RBFOX1: variants seen among roughly 807,000 people sequenced by gnomAD.
The protein encoded by RBFOX1 is RNA binding protein fox-1 homolog 1.
RBFOX1 carries 8 observed loss-of-function variants against 57.7 expected under a neutral mutation model. The observed-to-expected ratio is 0.14, with a 90% CI of 0.08 to 0.25. The LOEUF (loss-of-function observed/expected upper bound fraction) is 0.25, where lower values mean the gene tolerates loss of function less well. Ranked by LOEUF, RBFOX1 falls within the 10% of genes least tolerant of loss-of-function variation. RBFOX1 has a pLI of 1.00. For missense variants in RBFOX1, 611 were observed against 548.5 expected (o/e 1.11, Z -1.14); for synonymous variants, 326 against 222.4 (o/e 1.47, Z -4.15).
intron 2 of RBFOX1, among the ~76,000 whole-genome samples, chr16:5,529,685 C>T (rs1438379117): frequency 6.6e-6 from 1 of 151,912 alleles, no homozygotes; most frequent in Non-Finnish European, 1.5e-5. Flanking sequence ...TCCTGCCTCA[C>T]CATCCCGATT....
intron 3 of RBFOX1, among the ~76,000 whole-genome samples, chr16:6,693,806 C>T (rs1277989099): frequency 6.6e-6 from 1 of 151,998 alleles, no homozygotes; most frequent in Non-Finnish European, 1.5e-5. Context: ...CCACCACCAT[C>T]ATCATCATCA....
intron 1 of RBFOX1, among the ~76,000 whole-genome samples, chr16:6,174,849 A>G (rs1259557070): frequency 6.6e-6 from 1 of 152,116 alleles, no homozygotes; most frequent in Non-Finnish European, 1.5e-5. Flanking sequence ...CAATCTAAGG[A>G]TGCCTTTGAG....
At chr16:6,688,739 T>A (rs1266592762) in intron 3 of RBFOX1, among the ~76,000 whole-genome samples, 1 of 152,158 alleles carries the variant, frequency 6.6e-6, no homozygotes, top group Non-Finnish European at 1.5e-5. Flanking sequence ...GCTGCACACA[T>A]CAACCCATCA....
chr16:5,754,023 A>C (rs1244475308), intron 3 of RBFOX1, among the ~76,000 whole-genome samples: 1 of 152,164 alleles, frequency 6.6e-6, no homozygotes, highest in Non-Finnish European at 1.5e-5. Context: ...AGCCATTCTC[A>C]AATGTCAATG....
chr16:5,371,768 C>A (rs1048522080), intron 1 of RBFOX1, among the ~76,000 whole-genome samples: 7 of 151,920 alleles, frequency 4.6e-5, no homozygotes, highest in Admixed American at 1.3e-4. Context: ...CTGGGCTGCA[C>A]CTTGGCCCTG....
At chr16:6,859,169 ATATATG>A (rs1266781148) in intron 3 of RBFOX1, among the ~76,000 whole-genome samples, 2 of 72,370 alleles carry the variant, frequency 2.8e-5, no homozygotes, top group African/African-American at 1.4e-4. Context: ...ATATACGTAT[ATATATG>A]TATATATATG....
At chr16:5,397,594 G>A (rs886732193) in intron 1 of RBFOX1, among the ~76,000 whole-genome samples, 1 of 152,126 alleles carries the variant, frequency 6.6e-6, no homozygotes, top group African/African-American at 2.4e-5. Context: ...AAATATAGGA[G>A]CACAAAAGAC....
intron 5 of RBFOX1, among the ~76,000 whole-genome samples, chr16:7,543,787 C>G (rs148847024): frequency 2.8e-4 from 42 of 151,892 alleles, no homozygotes; most frequent in Middle Eastern, 3.4e-3. Context: ...GTGGCACGAT[C>G]TTGGCTCACT....
At position 6,974,847 on chromosome 16, in the gene RBFOX1, C is replaced by T. The variant is rs367729023; in HGVS notation, c.-15-77210C>T. ...GTAGTCCTTTTACTTCCATTTTACT[C>T]GCATTCAGTGCTCCCTGGAAGGTGT... is the stretch of plus-strand genomic sequence containing the variant. On this transcript the variant is annotated intron_variant, in intron 3 of 15. Transcript: ENST00000550418. Among the ~76,000 whole-genome samples, 46 of 152,218 alleles carry T rather than the reference C, an allele frequency of 3.0e-4. No individual in the cohort carries two copies. The Middle Eastern group carries it at 0.014, about 45-fold the overall frequency.
At chr16:6,607,045 C>A (rs1036615983) in intron 2 of RBFOX1, among the ~76,000 whole-genome samples, 1 of 152,144 alleles carries the variant, frequency 6.6e-6, no homozygotes, top group Non-Finnish European at 1.5e-5. Flanking sequence ...TTAATAATCG[C>A]CAAAAATGGC....
chr16:5,972,216 C>T (rs184267823), intron 4 of RBFOX1, among the ~76,000 whole-genome samples: 1 of 151,772 alleles, frequency 6.6e-6, no homozygotes, highest in Admixed American at 6.6e-5. Context: ...CACACACACA[C>T]CCTCCCTCCC....
intron 1 of RBFOX1, among the ~76,000 whole-genome samples, chr16:6,222,058 G>C (rs1296190953): frequency 6.6e-6 from 1 of 152,134 alleles, no homozygotes; most frequent in East Asian, 1.9e-4. Flanking sequence ...TATTTAAGAA[G>C]TATGGAAGGG....
chr16:6,582,874 C>T (rs552922770), intron 2 of RBFOX1, among the ~76,000 whole-genome samples: 8 of 148,524 alleles, frequency 5.4e-5, no homozygotes, highest in Non-Finnish European at 8.9e-5. Context: ...GCTACAGTTC[C>T]AGCTGGTTTT....
At chr16:7,354,928 TTGCTC>T (rs1418108489) in intron 4 of RBFOX1, among the ~76,000 whole-genome samples, 2 of 152,328 alleles carry the variant, frequency 1.3e-5, no homozygotes, top group African/African-American at 2.4e-5. Context: ...TGTGGTCTCT[TTGCTC>T]TGCTTTCCCT....
chr16:5,480,564 C>A (rs1238229816), intron 2 of RBFOX1, among the ~76,000 whole-genome samples: 1 of 152,240 alleles, frequency 6.6e-6, no homozygotes, highest in Non-Finnish European at 1.5e-5. Flanking sequence ...TTCGCCCAGT[C>A]CACCAGCCCA....
intron 2 of RBFOX1, among the ~76,000 whole-genome samples, chr16:5,478,977 C>T (rs1425867539): frequency 6.6e-6 from 1 of 152,168 alleles, no homozygotes; most frequent in African/African-American, 2.4e-5. Flanking sequence ...CTTGTGGCTC[C>T]TTTACCCCCT....
intron 2 of RBFOX1, among the ~76,000 whole-genome samples, chr16:6,342,260 G>C (rs1420632090): frequency 6.6e-6 from 1 of 152,176 alleles, no homozygotes; most frequent in Non-Finnish European, 1.5e-5. Context: ...GGGAGAGATG[G>C]CGGTGGTCTG....
At chr16:6,828,792 G>T (rs561008669) in intron 3 of RBFOX1, among the ~76,000 whole-genome samples, 1 of 151,986 alleles carries the variant, frequency 6.6e-6, no homozygotes, top group Non-Finnish European at 1.5e-5. Context: ...GAATACCTAC[G>T]TTTGGTGTAA....
At chr16:6,858,311 TA>T in intron 3 of RBFOX1, among the ~76,000 whole-genome samples, 1 of 152,280 alleles carries the variant, frequency 6.6e-6, no homozygotes, top group Admixed American at 6.5e-5. Flanking sequence ...GAGACTAGAT[TA>T]GGATATCTAG....
Sources: gnomAD v4.1 joint callset for allele counts (sites outside exome capture counted in the v4.1 genomes callset) on GRCh38, gnomAD v4.1.1 for gene constraint, MANE v1.5 for transcripts, NCBI Gene and HGNC (gene_info 2026-07-23, HGNC 2026-07-21) for gene names.